Variants in CPPED1 observed in about 807,000 individuals in gnomAD.
CPPED1 encodes serine/threonine-protein phosphatase CPPED1.
CPPED1 carries 28 observed loss-of-function variants against 28.0 expected under a neutral mutation model. The ratio of observed to expected loss-of-function variants is 1.00; its 90% CI spans 0.74 to 1.37. The LOEUF is 1.37. Among genes scored for constraint, CPPED1 ranks in the 40% most tolerant of loss-of-function variants. The pLI, the probability that CPPED1 is intolerant of heterozygous loss-of-function variation, is 0.00. For synonymous variants in CPPED1, 198 were observed against 180.2 expected (o/e 1.10, Z -0.79); for missense variants, 504 against 416.5 (o/e 1.21, Z -1.83).
intron 1 of CPPED1, among the ~76,000 whole-genome samples, chr16:12,802,963 G>C (rs2080669637): frequency 6.6e-6 from 1 of 152,204 alleles, no homozygotes; most frequent in African/African-American, 2.4e-5. Context: ...CGATCTGGCT[G>C]CAGGCAGCAA....
chr16:12,770,325 G>T (rs2080462754), intron 2 of CPPED1, among the ~76,000 whole-genome samples: 1 of 152,138 alleles, frequency 6.6e-6, no homozygotes, highest in Non-Finnish European at 1.5e-5. Context: ...CACGTCTGAG[G>T]ATGCTCACAG....
chr16:12,746,084 CTA>C (rs1410422669), intron 2 of CPPED1: 6 of 152,270 alleles, frequency 3.9e-5, no homozygotes, highest in African/African-American at 1.2e-4. Context: ...CGCTACAATT[CTA>C]TGTCCCGGCA....
At chr16:12,702,531 CTCAA>C (rs372602706) in intron 3 of CPPED1, among the ~76,000 whole-genome samples, 34 of 149,046 alleles carry the variant, frequency 2.3e-4, no homozygotes, top group African/African-American at 7.2e-4. Flanking sequence ...AAGCAAGACT[CTCAA>C]TCAATCAATC....
intron 3 of CPPED1, among the ~76,000 whole-genome samples, chr16:12,684,970 C>T (rs1014422773): frequency 1.3e-5 from 2 of 152,120 alleles, no homozygotes; most frequent in Non-Finnish European, 2.9e-5. Context: ...GGAGAGTTCC[C>T]GTATTTCCTG....
At chr16:12,737,220 A>C (rs1244625687) in intron 2 of CPPED1, among the ~76,000 whole-genome samples, 2 of 152,112 alleles carry the variant, frequency 1.3e-5, no homozygotes, top group Non-Finnish European at 2.9e-5. Flanking sequence ...AATAAAAAAA[A>C]TCAGAGATCA....
chr16:12,762,812 C>A (rs2080417123), intron 2 of CPPED1, among the ~76,000 whole-genome samples: 1 of 152,080 alleles, frequency 6.6e-6, no homozygotes, highest in African/African-American at 2.4e-5. Flanking sequence ...GGCACAATAT[C>A]AGCTAACTGC....
chr16:12,746,373 CAAAAAAA>C (rs71142518), intron 2 of CPPED1, among the ~76,000 whole-genome samples: 1 of 105,550 alleles, frequency 9.5e-6, no homozygotes, highest in Non-Finnish European at 1.8e-5. Context: ...GACTCTGACT[CAAAAAAA>C]AAAAAAAAAA....
intron 2 of CPPED1, among the ~76,000 whole-genome samples, chr16:12,713,578 C>T (rs556092507): frequency 1.3e-5 from 2 of 152,210 alleles, no homozygotes; most frequent in East Asian, 3.9e-4. Flanking sequence ...ACTGGCCAGT[C>T]TTGAACTCCT....
intron 1 of CPPED1, among the ~76,000 whole-genome samples, chr16:12,794,938 C>A (rs1437323411): frequency 2.6e-5 from 4 of 152,212 alleles, no homozygotes; most frequent in Admixed American, 2.0e-4. Flanking sequence ...GGCCAGGCGG[C>A]TTTTGGCATC....
intron 3 of CPPED1, among the ~76,000 whole-genome samples, chr16:12,695,523 G>A (rs558516367): frequency 6.6e-5 from 10 of 152,160 alleles, no homozygotes; most frequent in African/African-American, 2.4e-4. Context: ...CTCCTACTTC[G>A]GCCTCCCATA....
intron 1 of CPPED1, among the ~76,000 whole-genome samples, chr16:12,790,120 T>C (rs1490597202): frequency 1.3e-5 from 2 of 152,208 alleles, no homozygotes; most frequent in South Asian, 4.1e-4. Context: ...CTTAAAAACC[T>C]GGAAGAATTC....
chr16:12,724,590 G>T (rs911060358), intron 2 of CPPED1, among the ~76,000 whole-genome samples: 5 of 152,068 alleles, frequency 3.3e-5, no homozygotes, highest in Non-Finnish European at 4.4e-5. Context: ...CCCTTCCCTG[G>T]TGCTGTAGAT....
chr16:12,724,035 T>C (rs2141200243), intron 2 of CPPED1, among the ~76,000 whole-genome samples: 1 of 152,204 alleles, frequency 6.6e-6, no homozygotes, highest in South Asian at 2.1e-4. Flanking sequence ...TTCCTTTGCC[T>C]AAATCAGAGC....
intron 2 of CPPED1, among the ~76,000 whole-genome samples, chr16:12,730,279 G>C (rs925026687): frequency 3.3e-5 from 5 of 152,144 alleles, no homozygotes; most frequent in Non-Finnish European, 5.9e-5. Flanking sequence ...TCGGATTACA[G>C]GTGTAAGCCA....
In CPPED1 at chr16:12,742,637, G is replaced by T. The variant is rs143878996; in HGVS notation, c.290-37588C>A. On this transcript the variant is annotated intron_variant, in intron 2 of 3. Transcript: ENST00000381774. ...ATGCACCCTGCACTGAAAAATCAGG[G>T]GTAGTAGATGGATGTTCAGATGAAG... Among the ~76,000 whole-genome samples the T allele has an allele frequency of 1.4e-3, 208 of 152,238 alleles. 1 individual carries two copies. Among genetic ancestry groups the T allele is most frequent in the African/African-American group, 4.7e-3 (197 of 41,526 alleles).
intron 2 of CPPED1, among the ~76,000 whole-genome samples, chr16:12,765,056 T>C (rs79465845): frequency 1.4e-3 from 215 of 152,354 alleles, no homozygotes; most frequent in African/African-American, 4.9e-3. Context: ...CACTGTGACC[T>C]AAGAAGTCTG....
At chr16:12,785,215 A>C (rs1180530665) in intron 1 of CPPED1, among the ~76,000 whole-genome samples, 1 of 152,190 alleles carries the variant, frequency 6.6e-6, no homozygotes. Flanking sequence ...ATCCCTTAAA[A>C]GGGCAGCTTT....
chr16:12,784,072 T>A (rs1278117537), intron 1 of CPPED1, among the ~76,000 whole-genome samples: 3 of 152,220 alleles, frequency 2.0e-5, no homozygotes, highest in Admixed American at 1.3e-4. Context: ...AAACAGAATA[T>A]GATGATGGCA....
chr16:12,685,502 C>A (rs935723263), intron 3 of CPPED1, among the ~76,000 whole-genome samples: 1 of 152,122 alleles, frequency 6.6e-6, no homozygotes, highest in East Asian at 1.9e-4. Flanking sequence ...AATAGCCTCA[C>A]GAGGCTGTTA....
Sources: allele counts gnomAD v4.1 joint callset (sites outside exome capture counted in the v4.1 genomes callset), GRCh38; gene constraint gnomAD v4.1.1; transcripts MANE v1.5; gene names NCBI Gene and HGNC (gene_info 2026-07-23, HGNC 2026-07-21).